MAF: variants seen among roughly 807,000 people sequenced by gnomAD.
MAF encodes MAF bZIP transcription factor.
MAF carries 10 observed loss-of-function variants against 22.0 expected under a neutral mutation model. The ratio of observed to expected loss-of-function variants is 0.45; its 90% confidence interval spans 0.28 to 0.77. MAF has a LOEUF of 0.77. Ranked by LOEUF, MAF falls within the 30% of genes least tolerant of loss-of-function variation. The pLI is 0.12. For missense variants in MAF, 544 were observed against 548.4 expected, an observed-to-expected ratio of 0.99 and a Z score of 0.08; for synonymous variants, 337 against 255.8, an observed-to-expected ratio of 1.32 and a Z score of -3.03.
At chr16:79,403,375 G>A in the MAF span, among the ~76,000 whole-genome samples, 2 of 152,184 alleles carry the variant, frequency 1.3e-5, no homozygotes, top group Non-Finnish European at 2.9e-5. Flanking sequence ...CCTAAGAGGC[G>A]AAGAAGAAAG....
chr16:79,453,601 A>G, the MAF span, among the ~76,000 whole-genome samples: 1 of 152,248 alleles, frequency 6.6e-6, no homozygotes, highest in Admixed American at 6.5e-5. Context: ...CGGCTTTATT[A>G]GGAGACTGGG....
Position 79,594,450 on chromosome 16 carries a change from C to T in MAF, c.*10G>A, listed in dbSNP as rs1167153830. The T allele has an allele frequency of 6.4e-7, 1 of 1,553,160 alleles. No homozygotes were observed. The highest frequency in any genetic ancestry group is 2.4e-5 in the East Asian group (1 of 41,316). On this transcript the variant is annotated 3_prime_UTR_variant, in exon 2 of 2. Coordinates refer to ENST00000326043, the MANE Select transcript of MAF (RefSeq NM_005360.5). ...ATGATTTTTTTTAATGTACAGCTCT[C>T]ACACAAATTTCATTTTGTGAACACA...
At chr16:79,362,221 A>T in the MAF span, among the ~76,000 whole-genome samples, 3 of 152,226 alleles carry the variant, frequency 2.0e-5, no homozygotes, top group Non-Finnish European at 4.4e-5. Context: ...CCTTGAACAT[A>T]GTCAGTGCAC....
the MAF span, among the ~76,000 whole-genome samples, chr16:79,284,964 G>A: frequency 6.6e-6 from 1 of 152,182 alleles, no homozygotes; most frequent in Non-Finnish European, 1.5e-5. Context: ...ACAGATTGCA[G>A]ATTTACATGG....
At chr16:79,540,121 G>A in the MAF span, among the ~76,000 whole-genome samples, 1 of 152,046 alleles carries the variant, frequency 6.6e-6, no homozygotes, top group African/African-American at 2.4e-5. Context: ...ATCCCCAAGA[G>A]GTCACCACAG....
At chr16:79,445,103 G>A in the MAF span, among the ~76,000 whole-genome samples, 2 of 151,852 alleles carry the variant, frequency 1.3e-5, no homozygotes, top group African/African-American at 4.8e-5. Context: ...GCACAATCTC[G>A]GCTCACTGCA....
At chr16:79,521,528 G>C in the MAF span, among the ~76,000 whole-genome samples, 1 of 152,178 alleles carries the variant, frequency 6.6e-6, no homozygotes, top group Non-Finnish European at 1.5e-5. Context: ...AAGGCTGAAG[G>C]CTTGCAGCCA....
intron 1 of MAF, among the ~76,000 whole-genome samples, chr16:79,586,505 CTTTA>C (rs1406747398): frequency 1.3e-5 from 2 of 152,196 alleles, no homozygotes; most frequent in Non-Finnish European, 2.9e-5. Flanking sequence ...GATACTGCCT[CTTTA>C]TTTGTTAACT....
chr16:79,319,914 T>C, the MAF span, among the ~76,000 whole-genome samples: 2 of 152,142 alleles, frequency 1.3e-5, no homozygotes, highest in East Asian at 3.8e-4. Flanking sequence ...GAGATGGGCT[T>C]TCTGCAGAGG....
At chr16:79,334,346 C>T in the MAF span, among the ~76,000 whole-genome samples, 345 of 152,244 alleles carry the variant, frequency 2.3e-3, no homozygotes, top group Admixed American at 3.9e-3. Context: ...TAGAAGCAAA[C>T]GAATCCACAC....
chr16:79,554,621 G>C, the MAF span, among the ~76,000 whole-genome samples: 30 of 152,114 alleles, frequency 2.0e-4, no homozygotes, highest in Non-Finnish European at 4.3e-4. Flanking sequence ...GCGGCCCAGT[G>C]ACCCCATTAC....
At chr16:79,336,636 A>C in the MAF span, among the ~76,000 whole-genome samples, 3 of 152,154 alleles carry the variant, frequency 2.0e-5, no homozygotes, top group Non-Finnish European at 4.4e-5. Context: ...AAGAAGGGAC[A>C]ACACAGGAAG....
chr16:79,251,358 C>G, the MAF span, among the ~76,000 whole-genome samples: 2 of 146,786 alleles, frequency 1.4e-5, no homozygotes, highest in Non-Finnish European at 3.0e-5. Flanking sequence ...TCTTGTCACC[C>G]AGGCTGGAGT....
At chr16:79,400,620 G>C in the MAF span, among the ~76,000 whole-genome samples, 1 of 152,220 alleles carries the variant, frequency 6.6e-6, no homozygotes, top group South Asian at 2.1e-4. Context: ...GGAGGCGAAA[G>C]AGATAATCTG....
chr16:79,459,420 C>A, the MAF span, among the ~76,000 whole-genome samples: 10 of 152,074 alleles, frequency 6.6e-5, no homozygotes, highest in Non-Finnish European at 1.0e-4. Flanking sequence ...GTATTATGTA[C>A]CAAGTACTAT....
At chr16:79,585,104 A>T (rs947837948), downstream of MAF, among the ~76,000 whole-genome samples, 1 of 152,240 alleles carries the variant, frequency 6.6e-6, no homozygotes, top group South Asian at 2.1e-4. Context: ...AAGAGGTGAT[A>T]AGAATACATA....
chr16:79,465,587 G>A, the MAF span, among the ~76,000 whole-genome samples: 20 of 152,238 alleles, frequency 1.3e-4, no homozygotes, highest in African/African-American at 4.6e-4. Flanking sequence ...GTGACAGAGC[G>A]AGACCCTGTT....
the MAF span, among the ~76,000 whole-genome samples, chr16:79,217,712 A>G: frequency 1.3e-5 from 2 of 152,118 alleles, no homozygotes; most frequent in Non-Finnish European, 2.9e-5. Context: ...TTCAACTCCA[A>G]AGGTGGCCAG....
chr16:79,552,678 G>C, the MAF span, among the ~76,000 whole-genome samples: 1 of 152,114 alleles, frequency 6.6e-6, no homozygotes, highest in Non-Finnish European at 1.5e-5. Flanking sequence ...CTCATGATTT[G>C]TCTTCACTAA....
Sources: gnomAD v4.1 joint callset for allele counts (sites outside exome capture counted in the v4.1 genomes callset) on GRCh38, gnomAD v4.1.1 for gene constraint, MANE v1.5 for transcripts, NCBI Gene and HGNC (gene_info 2026-07-23, HGNC 2026-07-21) for gene names.